TACR1: variants seen among roughly 807,000 people sequenced by gnomAD.
TACR1 encodes tachykinin receptor 1, also known as substance-P receptor.
In TACR1, 25 loss-of-function variants were observed where a neutral mutation model predicts 35.8. The ratio of observed to expected loss-of-function variants is 0.70; its 90% CI spans 0.51 to 0.98. The LOEUF (loss-of-function observed/expected upper bound fraction) is 0.98. Among genes scored for constraint, TACR1 ranks in the 50% least tolerant of loss-of-function variants. The pLI is 0.00. For synonymous variants in TACR1, 195 were observed against 206.7 expected (o/e 0.94, Z 0.48); for missense variants, 478 against 522.9 (o/e 0.91, Z 0.84).
At chr2:75,072,578 C>A (rs1015915593) in intron 2 of TACR1, among the ~76,000 whole-genome samples, 1 of 152,220 alleles carries the variant, frequency 6.6e-6, no homozygotes, top group Non-Finnish European at 1.5e-5. Context: ...TTAGTAGGGT[C>A]GCAGATCACA....
chr2:75,158,281 C>G (rs1674914685), intron 1 of TACR1, among the ~76,000 whole-genome samples: 1 of 152,150 alleles, frequency 6.6e-6, no homozygotes. Context: ...TTTAATTTGA[C>G]CAAGTGGACA....
chr2:75,094,838 C>CATATATATATATATAT lies in TACR1; in HGVS notation c.584+25720_584+25735dup, dbSNP rs770472061. 1.8e-3 allele frequency among the ~76,000 whole-genome samples: 210 copies of CATATATATATATATAT among 119,788 alleles called. 8 individuals are homozygous for CATATATATATATATAT. The highest frequency in any genetic ancestry group is 7.0e-3 in the African/African-American group (151 of 21,504). The allele number at this position is 119,788 out of a possible 152,430, so 78.6% of individuals were successfully genotyped here. Reference sequence around the variant, plus strand: ...AAATTGCAAGCTGAGGAAGCAGAAACATATATATATATATATATATATTTT... The same window carrying CATATATATATATATAT: ...AAATTGCAAGCTGAGGAAGCAGAAACATATATATATATATATATATATATATATATATATATATTTT... On this transcript the variant is annotated intron_variant, in intron 2 of 4. Coordinates refer to ENST00000305249, the MANE Select transcript of TACR1 (RefSeq NM_001058.4).
intron 2 of TACR1, among the ~76,000 whole-genome samples, chr2:75,114,925 C>T (rs994394940): frequency 2.0e-5 from 3 of 152,138 alleles, no homozygotes; most frequent in Non-Finnish European, 4.4e-5. Context: ...GAATTGTAAA[C>T]ACAGACAGGG....
intron 1 of TACR1, among the ~76,000 whole-genome samples, chr2:75,126,433 C>T (rs1413344616): frequency 6.6e-6 from 1 of 152,084 alleles, no homozygotes; most frequent in Non-Finnish European, 1.5e-5. Context: ...ATTTATATTC[C>T]TCTGGGTATA....
intron 2 of TACR1, among the ~76,000 whole-genome samples, chr2:75,064,993 A>G (rs1672737453): frequency 1.3e-5 from 2 of 152,214 alleles, no homozygotes; most frequent in Admixed American, 6.5e-5. Flanking sequence ...CTGAATCTGC[A>G]TTATGCTCCC....
intron 1 of TACR1, among the ~76,000 whole-genome samples, chr2:75,172,446 C>T (rs1172119431): frequency 2.6e-5 from 4 of 152,128 alleles, no homozygotes; most frequent in Non-Finnish European, 5.9e-5. Context: ...AAAAAAAGTT[C>T]CTTGGACACT....
chr2:75,065,782 G>GT (rs1672751660), intron 2 of TACR1, among the ~76,000 whole-genome samples: 3 of 152,310 alleles, frequency 2.0e-5, no homozygotes, highest in Non-Finnish European at 4.4e-5. Flanking sequence ...CTTGATATAC[G>GT]TAAGTTACAC....
intron 1 of TACR1, among the ~76,000 whole-genome samples, chr2:75,151,166 C>G (rs1674661030): frequency 6.6e-6 from 1 of 152,204 alleles, no homozygotes; most frequent in Non-Finnish European, 1.5e-5. Context: ...AAAAGAAAAA[C>G]TCATTTTCTG....
chr2:75,051,369 A>G lies in TACR1; in HGVS notation c.814T>C (p.Tyr272His). Reference protein sequence around the residue: ...LPFHIFFLLPYINPDLYLKKF... With the variant: ...LPFHIFFLLPHINPDLYLKKF... ...TTCAGGTAGAGATCTGGGTTGATGT[A>G]GGGCAGGAGGAAGAAGATGTGGAAG... Residue 272 changes from tyrosine to histidine, a missense_variant, in exon 4 of 5, where the codon TAC becomes CAC. Tyr to His is a moderately conservative substitution (Grantham distance 83). Coordinates refer to ENST00000305249, the MANE Select transcript of TACR1 (RefSeq NM_001058.4). The G allele has an allele frequency of 6.2e-7, 1 of 1,614,206 alleles. No homozygotes were observed. The highest frequency in any genetic ancestry group is 8.5e-7 in the Non-Finnish European group (1 of 1,180,024).
intron 1 of TACR1, among the ~76,000 whole-genome samples, chr2:75,161,969 A>G (rs1309016220): frequency 6.7e-6 from 1 of 149,304 alleles, no homozygotes; most frequent in African/African-American, 2.5e-5. Context: ...TCACTAATCC[A>G]GAGGGAATAT....
chr2:75,151,197 G>A (rs866279788), intron 1 of TACR1, among the ~76,000 whole-genome samples: 10 of 152,264 alleles, frequency 6.6e-5, no homozygotes, highest in African/African-American at 1.9e-4. Context: ...CAAGCTGGCT[G>A]CAGAAGTTTG....
At chr2:75,088,211 G>C (rs1270717002) in intron 2 of TACR1, among the ~76,000 whole-genome samples, 1 of 152,130 alleles carries the variant, frequency 6.6e-6, no homozygotes, top group Non-Finnish European at 1.5e-5. Flanking sequence ...TCTGCACCCT[G>C]CTCCAGCCAC....
intron 1 of TACR1, among the ~76,000 whole-genome samples, chr2:75,197,722 A>G (rs56338225): frequency 0.033 from 5,009 of 152,272 alleles, 201 homozygotes; most frequent in African/African-American, 0.096. Context: ...GCCGGAACAG[A>G]AGAGCTCTCA....
chr2:75,158,746 G>T (rs555955788), intron 1 of TACR1, among the ~76,000 whole-genome samples: 1 of 152,312 alleles, frequency 6.6e-6, no homozygotes, highest in East Asian at 1.9e-4. Context: ...GCATCGCAAA[G>T]GAAGCAGAAC....
In TACR1 at chr2:75,188,077, C is replaced by A. The variant is rs141693152; in HGVS notation, c.389+10469G>T. On this transcript the variant is annotated intron_variant, in intron 1 of 4. Transcript: ENST00000305249. ...CCTAGCTCATGTTTGAAGAGCCCAG[C>A]TAAGTTGTTGAGCTAACTCGTATTT... 2.5e-4 allele frequency: 38 copies of A among 151,816 alleles called. No individual in the cohort carries two copies. In the East Asian group the frequency reaches 7.0e-3, roughly 28 times the overall value. The allele number at this position is 151,816 out of a possible 1,614,324, so 9.4% of individuals were successfully genotyped here.
chr2:75,113,532 C>CTTTTTTTTTTTTTT (rs11437762), intron 2 of TACR1, among the ~76,000 whole-genome samples: 13 of 92,088 alleles, frequency 1.4e-4, no homozygotes, highest in Admixed American at 2.9e-4. Context: ...TTTCTTCTTC[C>CTTTTTTTTTTTTTT]TTTTTTTTTT....
intron 2 of TACR1, among the ~76,000 whole-genome samples, chr2:75,115,197 A>AATAT (rs3079165): frequency 2.6e-4 from 40 of 151,216 alleles, no homozygotes; most frequent in East Asian, 1.9e-3. Flanking sequence ...CAGATTATAA[A>AATAT]ATATATATAT....
chr2:75,190,274 A>G (rs1675810123), intron 1 of TACR1, among the ~76,000 whole-genome samples: 1 of 152,220 alleles, frequency 6.6e-6, no homozygotes, highest in Non-Finnish European at 1.5e-5. Context: ...ATTGGAAATG[A>G]ATGCTTAGGG....
intron 2 of TACR1, among the ~76,000 whole-genome samples, chr2:75,076,110 A>C (rs1672971421): frequency 6.6e-6 from 1 of 152,234 alleles, no homozygotes; most frequent in African/African-American, 2.4e-5. Flanking sequence ...ACTGGACTTT[A>C]AGCAAGTCTC....
Sources: allele counts gnomAD v4.1 joint callset (sites outside exome capture counted in the v4.1 genomes callset), GRCh38; gene constraint gnomAD v4.1.1; transcripts MANE v1.5; gene names NCBI Gene and HGNC (gene_info 2026-07-23, HGNC 2026-07-21).